The following FBLN1 variants were observed in gnomAD, a reference collection of about 807,000 sequenced individuals.
FBLN1 encodes fibulin-1.
FBLN1 carries 34 observed loss-of-function variants against 89.7 expected under a neutral mutation model. The observed-to-expected ratio is 0.38, with a 90% confidence interval of 0.29 to 0.50. The LOEUF (loss-of-function observed/expected upper bound fraction) is 0.50. FBLN1 is among the 20% of genes least tolerant of loss of function. FBLN1 has a pLI of 0.92. For missense variants in FBLN1, 777 were observed against 988.1 expected (o/e 0.79, Z 2.86); for synonymous variants, 393 against 391.3 (o/e 1.00, Z -0.05).
At position 45,522,920 on chromosome 22, in the gene FBLN1, G is replaced by A. The variant is rs956723308; in HGVS notation, c.186-2623G>A. On this transcript the variant is annotated intron_variant, in intron 2 of 16. Transcript: ENST00000327858. ...CCGTTCTGGTGAGTGGGGATCAATC[G>A]GTGAACGAAATATGCAAGTCCCCTG... is the stretch of plus-strand genomic sequence containing the variant. 5.9e-5 allele frequency among the ~76,000 whole-genome samples: 9 copies of A among 152,216 alleles called. 1 individual carries two copies. In the East Asian group the frequency reaches 7.7e-4, roughly 13 times the overall value.
rs377647642 is a variant in FBLN1, at chr22:45,542,280, G to A, written c.1192G>A (p.Val398Ile). 70 of 1,613,646 alleles carry A rather than the reference G, an allele frequency of 4.3e-5. No individual in the cohort carries two copies. The highest frequency in any genetic ancestry group is 5.4e-5 in the Non-Finnish European group (64 of 1,180,042). The change falls in exon 10 of 17, where the codon GTC becomes ATC. Residue 398 changes from valine (V) to isoleucine (I), a missense_variant. Physicochemically the swap from Val to Ile is conservative, Grantham distance 29. Coordinates refer to ENST00000327858, the MANE Select transcript of FBLN1 (RefSeq NM_006486.3). The stretch of plus-strand genomic sequence containing the variant: ...TTTTGACGGCATCAGCAGGATGTGT[G>A]TCGGTGCGTGGGGGGCCCCGCAGGC... Reference protein sequence around the residue: ...YYFDGISRMCVDVNECQRYPG... With the variant: ...YYFDGISRMCIDVNECQRYPG...
In FBLN1 at chr22:45,575,028, C is replaced by T. The variant is rs962638113; in HGVS notation, c.1840+375C>T. On this transcript the variant is annotated intron_variant, in intron 15 of 16. Coordinates refer to ENST00000327858, the MANE Select transcript of FBLN1 (RefSeq NM_006486.3). The surrounding 1 kb of genome is among the most constrained non-coding windows in gnomAD (Gnocchi z 6.3). ...CAATCTCCTGACCTCATGATCCACC[C>T]GCCTCAGCCTCCCAAAGTGCTGGGA... is the stretch of plus-strand genomic sequence containing the variant. Among the ~76,000 whole-genome samples the T allele has an allele frequency of 1.8e-4, 27 of 152,150 alleles. No homozygotes were observed. The highest frequency in any genetic ancestry group is 2.9e-4 in the Non-Finnish European group (20 of 67,986).
intron 1 of FBLN1, among the ~76,000 whole-genome samples, chr22:45,506,888 A>G (rs1040298362): frequency 6.6e-6 from 1 of 152,242 alleles, no homozygotes; most frequent in African/African-American, 2.4e-5. Flanking sequence ...CTAAGAGGGC[A>G]TGTAGTTATT....
At chr22:45,555,022 G>A (rs913104648) in intron 14 of FBLN1, among the ~76,000 whole-genome samples, 7 of 151,182 alleles carry the variant, frequency 4.6e-5, no homozygotes, top group South Asian at 2.1e-4. Flanking sequence ...ACCCGTCCCC[G>A]TCTCCACCGC....
At position 45,600,462 on chromosome 22, in the gene FBLN1, A is replaced by G; in HGVS notation, c.*16A>G. The G allele has an allele frequency of 1.2e-6, 2 of 1,614,016 alleles. No homozygotes were observed. The highest frequency in any genetic ancestry group is 8.5e-7 in the Non-Finnish European group (1 of 1,179,970). On this transcript the variant is annotated 3_prime_UTR_variant, in exon 17 of 17. Transcript: ENST00000327858. ...CTGGTTCTGAGGGCTGGTCTGCCGCACAGCCGCAGGTGCACCTCCAGGCCA... is the reference window on the plus strand; with the variant it reads ...CTGGTTCTGAGGGCTGGTCTGCCGCGCAGCCGCAGGTGCACCTCCAGGCCA...
chr22:45,538,740 C>T (rs994114580), intron 8 of FBLN1, among the ~76,000 whole-genome samples: 5 of 152,144 alleles, frequency 3.3e-5, no homozygotes, highest in Non-Finnish European at 7.4e-5. Context: ...CGCTCCCTCA[C>T]CCAGGAACAG....
chr22:45,564,679 T>A (rs954820069), intron 14 of FBLN1, among the ~76,000 whole-genome samples: 3 of 152,240 alleles, frequency 2.0e-5, no homozygotes, highest in African/African-American at 7.2e-5. Flanking sequence ...CGTTTCACAT[T>A]TGTCTTCCGC....
intron 14 of FBLN1, among the ~76,000 whole-genome samples, chr22:45,568,595 A>G (rs1405154689): frequency 3.4e-4 from 8 of 23,854 alleles, no homozygotes; most frequent in African/African-American, 8.4e-4. Flanking sequence ...CTGTAGGGGA[A>G]TGCTCCTTCT....
At chr22:45,535,464 T>A in intron 8 of FBLN1, 127 bp downstream of exon 8, 1 of 1,103,870 alleles carries the variant, frequency 9.1e-7, no homozygotes. Context: ...ACTTTTTGTG[T>A]AAAGGGCTGG....
intron 14 of FBLN1, among the ~76,000 whole-genome samples, chr22:45,560,650 G>T (rs1182401402): frequency 6.6e-6 from 1 of 152,160 alleles, no homozygotes; most frequent in African/African-American, 2.4e-5. Context: ...CTAATCCAAC[G>T]CTATGTTCCT....
Position 45,533,320 on chromosome 22 carries a change from T to C in FBLN1, c.646+156T>C, listed in dbSNP as rs11702924. ...GCGCTTTCTCGTGTTCGCTGGAGTTTGCAGCGCAGAGGCCCCTGCCGAGAC... is the reference window on the plus strand; with the variant it reads ...GCGCTTTCTCGTGTTCGCTGGAGTTCGCAGCGCAGAGGCCCCTGCCGAGAC... On this transcript the variant is annotated intron_variant, in intron 6 of 16. Coordinates refer to ENST00000327858, the MANE Select transcript of FBLN1 (RefSeq NM_006486.3). 0.089 allele frequency among the ~76,000 whole-genome samples: 13,611 copies of C among 152,268 alleles called. 644 individuals are homozygous for C. The highest frequency in any genetic ancestry group is 0.17 in the South Asian group (801 of 4,832).
In FBLN1 at chr22:45,545,959, C is replaced by T. The variant is rs2088620898; in HGVS notation, c.1322-1126C>T. Among the ~76,000 whole-genome samples the T allele has an allele frequency of 6.6e-6, 1 of 152,004 alleles. No individual in the cohort carries two copies. The highest frequency in any genetic ancestry group is 2.1e-4 in the South Asian group (1 of 4,816). ...GGTCAGGAGTTCGAGACCAGTATGG[C>T]CAACATCGTGAAACCCTGTGTCTAC... On this transcript the variant is annotated intron_variant, in intron 11 of 16. Coordinates refer to ENST00000327858, the MANE Select transcript of FBLN1 (RefSeq NM_006486.3). The surrounding 1 kb of genome is among the most constrained non-coding windows in gnomAD (Gnocchi z 5.9).
At chr22:45,533,028 C>T (rs767617967) in intron 5 of FBLN1, 35 bp from the exon 6 acceptor site, 9 of 1,572,510 alleles carry the variant, frequency 5.7e-6, no homozygotes, top group African/African-American at 4.0e-5. Flanking sequence ...TGCCTGGGTG[C>T]GTCCATCCCT....
intron 2 of FBLN1, among the ~76,000 whole-genome samples, chr22:45,520,040 G>A (rs1295627947): frequency 6.6e-6 from 1 of 151,648 alleles, no homozygotes; most frequent in African/African-American, 2.4e-5. Context: ...TGTGGTGGCG[G>A]GCGTCTGTAA....
At chr22:45,544,425 C>T (rs189262366) in intron 11 of FBLN1, among the ~76,000 whole-genome samples, 78 of 152,326 alleles carry the variant, frequency 5.1e-4, no homozygotes, top group Admixed American at 3.5e-3. Flanking sequence ...TTTCCCCACC[C>T]GCAGAGACAG....
chr22:45,540,833 A>G (rs2088546090), intron 8 of FBLN1, among the ~76,000 whole-genome samples: 1 of 152,238 alleles, frequency 6.6e-6, no homozygotes, highest in Non-Finnish European at 1.5e-5. Flanking sequence ...TGTGAAGCCC[A>G]GTCATCGGAG....
intron 1 of FBLN1, 34 bp downstream of exon 1, chr22:45,503,098 G>T: frequency 1.6e-6 from 2 of 1,226,396 alleles, no homozygotes; most frequent in South Asian, 3.7e-5. Context: ...CCCCAGCTTA[G>T]GGTCCCGACC....
Position 45,550,635 on chromosome 22 carries a change from CCAT to C in FBLN1, c.1697+22_1697+24del. 1 of 1,613,998 alleles carries C rather than the reference CCAT, an allele frequency of 6.2e-7. No homozygotes were observed. The highest frequency in any genetic ancestry group is 8.5e-7 in the Non-Finnish European group (1 of 1,180,026). On this transcript the variant is annotated intron_variant, in intron 14 of 16. Transcript: ENST00000327858. The surrounding 1 kb of genome is among the most constrained non-coding windows in gnomAD (Gnocchi z 8.4). ...AGCCACGTAAGTCCCTTGGACCATG[CCAT>C]CGTCGTCTGTCTGTGTTGGCCTTCC...
At chr22:45,514,755 G>A (rs1310753553) in intron 1 of FBLN1, among the ~76,000 whole-genome samples, 2 of 152,300 alleles carry the variant, frequency 1.3e-5, no homozygotes, top group South Asian at 2.1e-4. Context: ...GGGCAGGTGC[G>A]ACATGGACAG....
Sources: gnomAD v4.1 joint callset for allele counts (sites outside exome capture counted in the v4.1 genomes callset) on GRCh38, gnomAD v4.1.1 for gene constraint, Gnocchi (gnomAD v3.1) non-coding constraint, MANE v1.5 for transcripts, NCBI Gene and HGNC (gene_info 2026-07-23, HGNC 2026-07-21) for gene names.